MDN1: variants seen among roughly 807,000 people sequenced by gnomAD.
The protein encoded by MDN1 is midasin.
MDN1 carries 266 observed loss-of-function variants against 669.2 expected under a neutral mutation model. The ratio of observed to expected loss-of-function variants is 0.40; its 90% confidence interval spans 0.36 to 0.44. The LOEUF is 0.44. MDN1 is among the 20% of genes least tolerant of loss of function. The pLI is 1.00. For synonymous variants in MDN1, 2,385 were observed against 2,457.1 expected (o/e 0.97, Z 0.87); for missense variants, 5,940 against 6,754.0 (o/e 0.88, Z 4.22).
intron 34 of MDN1, among the ~76,000 whole-genome samples, chr6:89,731,186 A>G (rs1815570933): frequency 6.6e-6 from 1 of 152,206 alleles, no homozygotes; most frequent in African/African-American, 2.4e-5. Flanking sequence ...AGTACCTAAT[A>G]TGGCACTAGT....
intron 8 of MDN1, among the ~76,000 whole-genome samples, chr6:89,787,097 T>C (rs1043135881): frequency 6.8e-6 from 1 of 147,298 alleles, no homozygotes; most frequent in African/African-American, 2.5e-5. Flanking sequence ...AAAAGAGTAA[T>C]TGGGTCTAGG....
chr6:89,744,691 C>G (rs1312658417), intron 29 of MDN1, among the ~76,000 whole-genome samples: 1 of 151,970 alleles, frequency 6.6e-6, no homozygotes. Context: ...GCATGAACCA[C>G]CACAACCAGC....
rs777008224 is a variant in MDN1 at position 89,658,358 on chromosome 6, GTTC to G, written c.15031_15033del (p.Glu5011del). 1.9e-6 allele frequency: 3 copies of G among 1,614,078 alleles called. No homozygotes were observed. The highest frequency in any genetic ancestry group is 1.1e-5 in the South Asian group (1 of 91,082). On this transcript the variant is annotated inframe_deletion, in exon 90 of 102. Coordinates refer to ENST00000369393, the MANE Select transcript of MDN1 (RefSeq NM_014611.3). ...TGCTCCTCTGTATCAGAGTCCTCCC[GTTC>G]TTCTTCCTCCTTCGGCAGAGAAATC...
chr6:89,748,328 A>C (rs1816770829), intron 26 of MDN1, among the ~76,000 whole-genome samples: 1 of 152,230 alleles, frequency 6.6e-6, no homozygotes, highest in African/African-American at 2.4e-5. Flanking sequence ...CTGTCTCAAA[A>C]AACAAACAAA....
rs144678040 is a variant in MDN1 at position 89,787,919 on chromosome 6, G to C, written c.1269C>G (p.Leu423=). 1.9e-6 allele frequency: 3 copies of C among 1,613,660 alleles called. No individual in the cohort carries two copies. Among genetic ancestry groups the C allele is most frequent in the Admixed American group, 3.3e-5 (2 of 59,960 alleles). ...VLIPLLENGE[L]LIPGRGDCLK... is the part of the protein sequence containing the mutation. Reference sequence around the variant, plus strand: ...GACAGTCACCTCGGCCAGGAATCAAGAGCTCTCCATTCTCCAAGAGAGGGA... The same window carrying C: ...GACAGTCACCTCGGCCAGGAATCAACAGCTCTCCATTCTCCAAGAGAGGGA... The change falls in exon 8 of 102, where the codon CTC becomes CTG. Residue 423 remains leucine (L), a synonymous_variant. Transcript: ENST00000369393.
intron 33 of MDN1, among the ~76,000 whole-genome samples, chr6:89,734,398 T>A (rs1043399614): frequency 2.0e-5 from 3 of 151,246 alleles, no homozygotes; most frequent in African/African-American, 7.3e-5. Flanking sequence ...TGGATTTCAC[T>A]ATATTTTTTA....
intron 51 of MDN1, 127 bp from the exon 52 acceptor site, chr6:89,707,603 C>A: frequency 1.5e-6 from 1 of 667,430 alleles, no homozygotes; most frequent in South Asian, 1.7e-5. Context: ...CCTGCCTCTG[C>A]AAATCTTGGA....
rs998826863 is a variant in MDN1, at chr6:89,746,445, G to A, written c.3905-819C>T. Among the ~76,000 whole-genome samples the A allele has an allele frequency of 9.2e-5, 14 of 152,120 alleles. 2 individuals are homozygous for A. The highest frequency in any genetic ancestry group is 8.5e-4 in the Admixed American group (13 of 15,280). Reference sequence around the variant, plus strand: ...AAAAATACAAAAATTAGCCAGGCATGGTGGCGCTTGCCTGTAATCCCAGCT... The same window carrying A: ...AAAAATACAAAAATTAGCCAGGCATAGTGGCGCTTGCCTGTAATCCCAGCT... On this transcript the variant is annotated intron_variant, in intron 27 of 101. Transcript: ENST00000369393.
intron 1 of MDN1, among the ~76,000 whole-genome samples, chr6:89,818,320 CAAAAAAAAAAAAAAAAA>C (rs60891640): frequency 1.5e-4 from 10 of 67,840 alleles, no homozygotes; most frequent in Non-Finnish European, 2.4e-4. Flanking sequence ...GCCTCCGTCT[CAAAAAAAAAAAAAAAAA>C]AAAAAAAAAA....
At chr6:89,650,876 C>G in intron 95 of MDN1, 29 bp from the exon 96 acceptor site, 1 of 1,587,390 alleles carries the variant, frequency 6.3e-7, no homozygotes, top group Non-Finnish European at 8.6e-7. Context: ...GTAAGTTACC[C>G]TCAGAATGTC....
In MDN1 at chr6:89,734,690, C is replaced by A. The variant is rs76651040; in HGVS notation, c.4724-1915G>T. ...AAGAAGAAAAAAAAAAAAAAAAAAA[C>A]AAGAGAGAGAGAGAGAGAGAGAGAG... On this transcript the variant is annotated intron_variant, in intron 33 of 101. Coordinates refer to ENST00000369393, the MANE Select transcript of MDN1 (RefSeq NM_014611.3). Among the ~76,000 whole-genome samples, 307 of 112,726 alleles carry A rather than the reference C, an allele frequency of 2.7e-3. 7 individuals carry two copies. The highest frequency in any genetic ancestry group is 0.011 in the Middle Eastern group (2 of 176). 74.0% of individuals were successfully genotyped at this position (112,726 alleles called of 152,430 possible). A position where few individuals can be genotyped will look rare whatever the true frequency, so the allele number is the denominator to read the frequency against.
chr6:89,663,735 C>A (rs903536710), intron 85 of MDN1, among the ~76,000 whole-genome samples: 1 of 151,712 alleles, frequency 6.6e-6, no homozygotes, highest in African/African-American at 2.4e-5. Context: ...GAGATCGAGA[C>A]CATCCTGGCT....
Position 89,692,829 on chromosome 6 carries a change from G to T in MDN1, c.10201C>A (p.Gln3401Lys). ...TGTTGTAACTGCAATATGGATGCCT[G>T]CAGTGGGCTCACGGCATCTGGATAG... ...TFYPDAVSPLQASILQLQHGM... is the reference protein window; with the variant it reads ...TFYPDAVSPLKASILQLQHGM... Residue 3401 changes from glutamine (Q) to lysine (K), a missense_variant, in exon 63 of 102, where the codon CAG (glutamine) becomes AAG (lysine). By Grantham distance (53) the Gln-to-Lys change is moderately conservative. This residue lies in a region of MDN1 where 150 missense variants were observed against 234.2 expected (regional missense o/e 0.64). Transcript: ENST00000369393. 2 of 1,614,246 alleles carry T rather than the reference G, an allele frequency of 1.2e-6. No homozygotes were observed. The highest frequency in any genetic ancestry group is 2.2e-5 in the East Asian group (1 of 44,882).
chr6:89,723,424 C>T (rs1814975558), intron 39 of MDN1, 88 bp downstream of exon 39: 3 of 850,448 alleles, frequency 3.5e-6, no homozygotes, highest in African/African-American at 1.8e-5. Flanking sequence ...GTTAGAGATC[C>T]TGATAATTTG....
At chr6:89,660,813 G>C (rs952870854) in intron 88 of MDN1, among the ~76,000 whole-genome samples, 5 of 152,222 alleles carry the variant, frequency 3.3e-5, no homozygotes, top group Admixed American at 3.3e-4. Context: ...AGCGAGGCCA[G>C]CTCACATCTT....
chr6:89,689,037 G>GTT (rs1405572246), intron 65 of MDN1, among the ~76,000 whole-genome samples: 1 of 152,164 alleles, frequency 6.6e-6, no homozygotes, highest in Non-Finnish European at 1.5e-5. Context: ...AGACATGCAT[G>GTT]TGCCTGTAAT....
intron 51 of MDN1, among the ~76,000 whole-genome samples, chr6:89,707,980 G>A (rs1813632512): frequency 6.6e-6 from 1 of 152,094 alleles, no homozygotes; most frequent in African/African-American, 2.4e-5. Flanking sequence ...AAACAAGTAG[G>A]TGAAAATGGG....
rs370185550 is a variant in MDN1, at chr6:89,751,395, A to G, written c.3227+36T>C. 9.9e-6 allele frequency: 16 copies of G among 1,613,174 alleles called. No individual in the cohort carries two copies. The African/African-American group carries it at 2.0e-4, about 20-fold the overall frequency. On this transcript the variant is annotated intron_variant, in intron 23 of 101. Transcript: ENST00000369393. The stretch of plus-strand genomic sequence containing the variant: ...AAATGTCATCAATGCCTATGCCTGT[A>G]TCAAGTTCGGGGCAGCGAGAAAAAA...
At chr6:89,652,068 T>C (rs1808913074) in intron 95 of MDN1, 124 bp downstream of exon 95, 1 of 691,278 alleles carries the variant, frequency 1.4e-6, no homozygotes, top group Non-Finnish European at 2.4e-6. Flanking sequence ...TGTAATTATA[T>C]TCTCCATATG....
Sources: gnomAD v4.1 joint callset for allele counts (sites outside exome capture counted in the v4.1 genomes callset) on GRCh38, gnomAD v4.1.1 for gene constraint, gnomAD v4.1.1 regional missense constraint, MANE v1.5 for transcripts, NCBI Gene and HGNC (gene_info 2026-07-23, HGNC 2026-07-21) for gene names.